The following CDH4 variants were observed in gnomAD, a reference collection of about 807,000 sequenced individuals.
CDH4 encodes cadherin-4.
Under a neutral mutation model 86.0 loss-of-function variants are expected in CDH4, and 33 were observed. The observed-to-expected ratio is 0.38, with a 90% confidence interval of 0.29 to 0.51. CDH4 has a LOEUF of 0.51. CDH4 is among the 20% of genes least tolerant of loss of function. CDH4 has a pLI of 0.86. For missense variants in CDH4, 1,114 were observed against 1,307.4 expected (o/e 0.85, Z 2.28); for synonymous variants, 555 against 549.4 (o/e 1.01, Z -0.14).
rs1436463317 is a variant in CDH4, at chr20:61,692,189, GTA to G, written c.170-51370_170-51369del. Among the ~76,000 whole-genome samples the G allele has an allele frequency of 8.1e-5, 6 of 73,664 alleles. 1 individual carries two copies. The highest frequency in any genetic ancestry group is 0.016 in the Middle Eastern group (2 of 124). The allele number at this position is 73,664 out of a possible 152,430, so 48.3% of individuals were successfully genotyped here. A position where few individuals can be genotyped will look rare whatever the true frequency, so the allele number is the denominator to read the frequency against. Reference sequence around the variant, plus strand: ...TGCATGTATGTGTTTATATGTGTCTGTATATGTTTGTGTGTATGTCTATGTAT... The same window carrying G: ...TGCATGTATGTGTTTATATGTGTCTGTATGTTTGTGTGTATGTCTATGTAT... On this transcript the variant is annotated intron_variant, in intron 2 of 15. Coordinates refer to ENST00000614565, the MANE Select transcript of CDH4 (RefSeq NM_001794.5).
chr20:61,739,072 G>T (rs2088301858), intron 2 of CDH4: 1 of 152,314 alleles, frequency 6.6e-6, no homozygotes, highest in South Asian at 2.1e-4. Context: ...TCCATTGGAT[G>T]TTAATTCTCT....
At chr20:61,533,806 C>A (rs141136756) in intron 2 of CDH4, among the ~76,000 whole-genome samples, 1 of 152,202 alleles carries the variant, frequency 6.6e-6, no homozygotes, top group African/African-American at 2.4e-5. Flanking sequence ...TACCCACAAC[C>A]CTGGTGGGAA....
intron 2 of CDH4, among the ~76,000 whole-genome samples, chr20:61,398,007 C>G (rs945300358): frequency 2.0e-5 from 3 of 152,224 alleles, no homozygotes; most frequent in African/African-American, 7.2e-5. Context: ...AGCTGCGTGC[C>G]TGGGAACCAC....
At chr20:61,273,648 G>A (rs2084201149) in intron 2 of CDH4, among the ~76,000 whole-genome samples, 1 of 143,688 alleles carries the variant, frequency 7.0e-6, no homozygotes, top group Admixed American at 7.0e-5. Flanking sequence ...TTTTGGGGGA[G>A]TACTGTGTGC....
At chr20:61,422,626 G>A (rs1016487359) in intron 2 of CDH4, among the ~76,000 whole-genome samples, 5 of 152,038 alleles carry the variant, frequency 3.3e-5, no homozygotes, top group South Asian at 2.1e-4. Context: ...AGTTCAGAGC[G>A]CAACCATGCA....
chr20:61,280,769 C>T (rs1337157642), intron 2 of CDH4, among the ~76,000 whole-genome samples: 3 of 152,276 alleles, frequency 2.0e-5, no homozygotes, highest in African/African-American at 2.4e-5. Flanking sequence ...AGCATCCCTG[C>T]GTGTGAAGCG....
intron 2 of CDH4, among the ~76,000 whole-genome samples, chr20:61,590,139 G>T (rs1473521940): frequency 6.7e-6 from 1 of 148,992 alleles, no homozygotes; most frequent in Admixed American, 6.7e-5. Flanking sequence ...GGTTCCTCTG[G>T]CTGCTGTAGG....
At chr20:61,677,848 A>G (rs1029284694) in intron 2 of CDH4, among the ~76,000 whole-genome samples, 1 of 147,738 alleles carries the variant, frequency 6.8e-6, no homozygotes, top group Non-Finnish European at 1.5e-5. Flanking sequence ...ATGATAGGCT[A>G]GATAGATAAT....
chr20:61,425,180 T>C lies in CDH4; in HGVS notation c.169+170243T>C, dbSNP rs566497134. 1.4e-3 allele frequency among the ~76,000 whole-genome samples: 219 copies of C among 152,300 alleles called. 1 individual carries two copies. The highest frequency in any genetic ancestry group is 5.0e-3 in the African/African-American group (208 of 41,568). On this transcript the variant is annotated intron_variant, in intron 2 of 15. Coordinates refer to ENST00000614565, the MANE Select transcript of CDH4 (RefSeq NM_001794.5). The stretch of plus-strand genomic sequence containing the variant: ...GACCGTGGGCCCCATGGTGCAGAGC[T>C]GCCTGCAGAGCTAGGTCCAGCCCGG...
chr20:61,916,084 G>A (rs1447410488), intron 9 of CDH4, among the ~76,000 whole-genome samples: 2 of 152,038 alleles, frequency 1.3e-5, no homozygotes, highest in African/African-American at 4.8e-5. Context: ...TTTAGTCTGG[G>A]GATGCTTCGC....
chr20:61,423,700 T>C (rs2085193107), intron 2 of CDH4, among the ~76,000 whole-genome samples: 1 of 152,132 alleles, frequency 6.6e-6, no homozygotes, highest in Non-Finnish European at 1.5e-5. Context: ...TTTTGAGATC[T>C]ACACACTTAA....
chr20:61,303,493 C>T (rs1383210778), intron 2 of CDH4, among the ~76,000 whole-genome samples: 1 of 152,244 alleles, frequency 6.6e-6, no homozygotes, highest in Non-Finnish European at 1.5e-5. Flanking sequence ...TGCCCCTCTT[C>T]CCCTTCTCTG....
At chr20:61,612,730 G>A (rs746578348) in intron 2 of CDH4, among the ~76,000 whole-genome samples, 1 of 152,078 alleles carries the variant, frequency 6.6e-6, no homozygotes, top group Admixed American at 6.5e-5. Flanking sequence ...TCTCTACCTA[G>A]CTGCTGAGTT....
Position 61,614,517 on chromosome 20 carries a change from C to T in CDH4, c.170-129046C>T, listed in dbSNP as rs112908766. On this transcript the variant is annotated intron_variant, in intron 2 of 15. Transcript: ENST00000614565. ...ACCGTCAGTCAGAAGCACAGGTGGC[C>T]GGTGCGTGGGACTGGCCTGCAGTGG... 6.2e-3 allele frequency among the ~76,000 whole-genome samples: 938 copies of T among 152,138 alleles called. 7 individuals carry two copies. The highest frequency in any genetic ancestry group is 0.024 in the Middle Eastern group (7 of 294).
intron 2 of CDH4, among the ~76,000 whole-genome samples, chr20:61,454,204 G>A (rs1445952532): frequency 2.6e-5 from 4 of 152,188 alleles, no homozygotes; most frequent in South Asian, 2.1e-4. Context: ...GCCCTGGGCC[G>A]GCTGCTGGGA....
At chr20:61,543,891 C>A (rs914894922) in intron 2 of CDH4, among the ~76,000 whole-genome samples, 1 of 152,250 alleles carries the variant, frequency 6.6e-6, no homozygotes, top group Non-Finnish European at 1.5e-5. Flanking sequence ...TCCCAGGACC[C>A]TGGACTCCCC....
At position 61,605,887 on chromosome 20, in the gene CDH4, A is replaced by G. The variant is rs1289488701; in HGVS notation, c.170-137676A>G. Among the ~76,000 whole-genome samples, 16 of 50,556 alleles carry G rather than the reference A, an allele frequency of 3.2e-4. No individual in the cohort carries two copies. The African/African-American group carries it at 4.0e-3, about 13-fold the overall frequency. 33.2% of individuals were successfully genotyped at this position (50,556 alleles called of 152,430 possible). A position where few individuals can be genotyped will look rare whatever the true frequency, so the allele number is the denominator to read the frequency against. ...CCAGTAGCGGTCAAGGCTGTGGAGG[A>G]AAAAAAAAAAAAAAAAAACAGGAAA... On this transcript the variant is annotated intron_variant, in intron 2 of 15. Coordinates refer to ENST00000614565, the MANE Select transcript of CDH4 (RefSeq NM_001794.5).
intron 2 of CDH4, among the ~76,000 whole-genome samples, chr20:61,636,083 G>A (rs573734455): frequency 2.0e-5 from 3 of 152,336 alleles, no homozygotes; most frequent in South Asian, 2.1e-4. Flanking sequence ...ACGCGTGGGG[G>A]TCCACCGTGG....
intron 3 of CDH4, among the ~76,000 whole-genome samples, chr20:61,766,622 T>G (rs1040775770): frequency 6.6e-6 from 1 of 152,194 alleles, no homozygotes; most frequent in African/African-American, 2.4e-5. Context: ...AAATAAATCC[T>G]GACTTGAGCA....
Sources: allele counts gnomAD v4.1 joint callset (sites outside exome capture counted in the v4.1 genomes callset), GRCh38; gene constraint gnomAD v4.1.1; transcripts MANE v1.5; gene names NCBI Gene and HGNC (gene_info 2026-07-23, HGNC 2026-07-21).